Variants in MILR1 observed in about 807,000 individuals in gnomAD.
MILR1 encodes allergin-1.
In MILR1, 31 loss-of-function variants were observed where a neutral mutation model predicts 18.5. The observed-to-expected ratio is 1.68, with a 90% CI of 1.26 to 2.26. The LOEUF is 2.26. MILR1 is among the 30% of genes most tolerant of loss of function. MILR1 has a pLI of 0.00. For missense variants in MILR1, 257 were observed against 157.4 expected (o/e 1.63, Z -3.38); for synonymous variants, 85 against 56.2 (o/e 1.51, Z -2.30).
chr17:64,494,353 G>C, the MILR1 span, among the ~76,000 whole-genome samples: 1 of 152,264 alleles, frequency 6.6e-6, no homozygotes, highest in East Asian at 1.9e-4. Flanking sequence ...CACTACTGAA[G>C]ACACCAAATT....
the MILR1 span, chr17:64,491,846 C>A: frequency 8.4e-6 from 3 of 357,476 alleles, no homozygotes; most frequent in South Asian, 2.5e-5. Context: ...CCTCCATAAG[C>A]AACACAATCT....
intron 8 of MILR1, among the ~76,000 whole-genome samples, chr17:64,466,870 G>A (rs1465959110): frequency 6.6e-6 from 1 of 152,068 alleles, no homozygotes; most frequent in East Asian, 1.9e-4. Context: ...AAGATGTGGT[G>A]GGGGAATGTC....
intron 2 of MILR1, among the ~76,000 whole-genome samples, chr17:64,451,329 A>G (rs1258548785): frequency 3.3e-5 from 5 of 151,710 alleles, no homozygotes; most frequent in African/African-American, 7.3e-5. Context: ...TTTAGTAGAG[A>G]CAGGGTTTCA....
chr17:64,449,979 G>A lies in MILR1; in HGVS notation c.97+624G>A, dbSNP rs1300541577. Among the ~76,000 whole-genome samples the A allele has an allele frequency of 6.7e-5, 10 of 148,234 alleles. No homozygotes were observed. The South Asian group carries it at 1.5e-3, about 22-fold the overall frequency. ...TTTTGAGATGGAGTCTCAGTCTGTC[G>A]CCCAGGCTGGAGTCAGTGGTGCAAT... On this transcript the variant is annotated intron_variant, in intron 2 of 9. Coordinates refer to ENST00000619286, the MANE Select transcript of MILR1 (RefSeq NM_001085423.2).
chr17:64,461,660 G>A (rs1009497971), intron 5 of MILR1, among the ~76,000 whole-genome samples: 13 of 152,110 alleles, frequency 8.5e-5, no homozygotes, highest in South Asian at 4.2e-4. Context: ...TGCATAGTTC[G>A]GTGGCATTAA....
At chr17:64,474,595 G>A in the MILR1 span, among the ~76,000 whole-genome samples, 10 of 151,744 alleles carry the variant, frequency 6.6e-5, no homozygotes, top group East Asian at 1.4e-3. Context: ...GGCTGGTCTC[G>A]AACTCCAGGA....
At chr17:64,479,733 AC>A in the MILR1 span, among the ~76,000 whole-genome samples, 1 of 152,208 alleles carries the variant, frequency 6.6e-6, no homozygotes, top group Non-Finnish European at 1.5e-5. Context: ...GGCAGCGAAG[AC>A]AGAGATGGAT....
the MILR1 span, among the ~76,000 whole-genome samples, chr17:64,478,495 A>T: frequency 6.6e-6 from 1 of 152,210 alleles, no homozygotes; most frequent in Non-Finnish European, 1.5e-5. Context: ...TATGCTTACC[A>T]AGTCACACTA....
At chr17:64,461,549 G>A (rs1457384820) in intron 5 of MILR1, among the ~76,000 whole-genome samples, 1 of 152,004 alleles carries the variant, frequency 6.6e-6, no homozygotes, top group African/African-American at 2.4e-5. Flanking sequence ...GCTCCCGGCT[G>A]CATCTTGAAA....
downstream of MILR1, among the ~76,000 whole-genome samples, chr17:64,470,803 C>T (rs1450621066): frequency 3.3e-5 from 5 of 152,152 alleles, no homozygotes; most frequent in South Asian, 2.1e-4. Flanking sequence ...TGCCCTGAAC[C>T]GTAGCCTCTC....
At chr17:64,496,662 C>T in the MILR1 span, 71 of 1,613,936 alleles carry the variant, frequency 4.4e-5, no homozygotes, top group Middle Eastern at 3.3e-4. Flanking sequence ...AACTCTACGC[C>T]CAAGGGTCCG....
intron 5 of MILR1, among the ~76,000 whole-genome samples, chr17:64,464,492 A>G (rs2037505154): frequency 6.6e-6 from 1 of 151,898 alleles, no homozygotes; most frequent in South Asian, 2.1e-4. Flanking sequence ...CTCCCACCTC[A>G]GCTTCCCAAA....
chr17:64,474,555 T>C, the MILR1 span, among the ~76,000 whole-genome samples: 1 of 152,056 alleles, frequency 6.6e-6, no homozygotes, highest in African/African-American at 2.4e-5. Context: ...TCAAAGCTTT[T>C]TTTTTTAGAG....
the MILR1 span, chr17:64,496,922 C>T: frequency 1.2e-6 from 2 of 1,612,074 alleles, no homozygotes; most frequent in Non-Finnish European, 1.7e-6. Flanking sequence ...AGACAACAGG[C>T]ACCTGCAGAC....
the MILR1 span, among the ~76,000 whole-genome samples, chr17:64,484,679 T>C: frequency 1.3e-5 from 2 of 152,148 alleles, no homozygotes; most frequent in African/African-American, 4.8e-5. Flanking sequence ...GGAAGTGGAG[T>C]GTAAGAAAAA....
the MILR1 span, among the ~76,000 whole-genome samples, chr17:64,495,145 T>C: frequency 6.1e-5 from 8 of 131,226 alleles, no homozygotes; most frequent in Non-Finnish European, 9.1e-5. Context: ...GCCACTGCAC[T>C]CCAGCCTGGG....
intron 6 of MILR1, 122 bp from the exon 7 acceptor site, chr17:64,466,320 A>G: frequency 1.3e-6 from 1 of 787,844 alleles, no homozygotes. Context: ...CCCTATCATC[A>G]GCTGACAATG....
chr17:64,471,157 T>C (rs550586857), downstream of MILR1, among the ~76,000 whole-genome samples: 6 of 152,144 alleles, frequency 3.9e-5, no homozygotes, highest in African/African-American at 1.4e-4. Flanking sequence ...TAAGGCCTTC[T>C]ATGCACATCA....
chr17:64,492,726 T>C, the MILR1 span: 1 of 1,613,552 alleles, frequency 6.2e-7, no homozygotes, highest in Non-Finnish European at 8.5e-7. Context: ...TTTGAAGTTC[T>C]CGGAGGAGTA....
Sources: gnomAD v4.1 joint callset for allele counts (sites outside exome capture counted in the v4.1 genomes callset) on GRCh38, gnomAD v4.1.1 for gene constraint, MANE v1.5 for transcripts, NCBI Gene and HGNC (gene_info 2026-07-23, HGNC 2026-07-21) for gene names.